The following NALF1 variants were observed in gnomAD, a reference collection of about 807,000 sequenced individuals.
The protein encoded by NALF1 is family with sequence similarity 155 member A.
A neutral mutation model predicts 48.4 loss-of-function variants in NALF1; 3 were observed. The ratio of observed to expected loss-of-function variants is 0.06; its 90% CI spans 0.03 to 0.16. NALF1 has a LOEUF of 0.16. Ranked by LOEUF, NALF1 falls within the 10% of genes least tolerant of loss-of-function variation. The pLI is 1.00. For missense variants in NALF1, 526 were observed against 571.5 expected, an observed-to-expected ratio of 0.92 and a Z score of 0.81; for synonymous variants, 262 against 245.7, an observed-to-expected ratio of 1.07 and a Z score of -0.62.
intron 1 of NALF1, among the ~76,000 whole-genome samples, chr13:107,704,006 G>A (rs1447044198): frequency 6.6e-6 from 1 of 152,044 alleles, no homozygotes. Flanking sequence ...TAGAATGCCA[G>A]GAAACATGTC....
intron 1 of NALF1, among the ~76,000 whole-genome samples, chr13:107,759,729 G>A (rs1377544571): frequency 6.6e-6 from 1 of 151,656 alleles, no homozygotes; most frequent in Non-Finnish European, 1.5e-5. Context: ...CTCTCTGTTT[G>A]GAGCCTCAAT....
intron 1 of NALF1, among the ~76,000 whole-genome samples, chr13:107,492,758 C>T (rs1875184237): frequency 6.6e-6 from 1 of 152,032 alleles, no homozygotes; most frequent in Admixed American, 6.6e-5. Flanking sequence ...AATGGCTGTA[C>T]ATCATGGATA....
intron 1 of NALF1, among the ~76,000 whole-genome samples, chr13:107,311,949 T>A (rs1363475371): frequency 1.3e-5 from 2 of 152,018 alleles, no homozygotes; most frequent in Non-Finnish European, 2.9e-5. Context: ...TGTGGAGAAA[T>A]AGGAACACTT....
chr13:107,513,856 T>C (rs1875972860), intron 1 of NALF1, among the ~76,000 whole-genome samples: 1 of 152,180 alleles, frequency 6.6e-6, no homozygotes, highest in South Asian at 2.1e-4. Context: ...TGCCCGCTAT[T>C]TGCCTAAAAG....
At chr13:107,310,738 C>T (rs771572860) in intron 1 of NALF1, among the ~76,000 whole-genome samples, 4 of 151,968 alleles carry the variant, frequency 2.6e-5, no homozygotes, top group Non-Finnish European at 5.9e-5. Flanking sequence ...AGTACAGTAG[C>T]GTGATCTTGG....
At chr13:107,832,365 T>C (rs1879762680) in intron 1 of NALF1, among the ~76,000 whole-genome samples, 1 of 152,110 alleles carries the variant, frequency 6.6e-6, no homozygotes. Context: ...AAATATTTTG[T>C]ATATATACTG....
chr13:107,544,639 T>C (rs1877087186), intron 1 of NALF1, among the ~76,000 whole-genome samples: 1 of 152,138 alleles, frequency 6.6e-6, no homozygotes, highest in Non-Finnish European at 1.5e-5. Context: ...CCATGACCCT[T>C]CACAGGACCC....
At chr13:107,364,519 C>T (rs143007074) in intron 1 of NALF1, among the ~76,000 whole-genome samples, 72 of 152,294 alleles carry the variant, frequency 4.7e-4, no homozygotes, top group Middle Eastern at 3.4e-3. Flanking sequence ...CATCCAGACA[C>T]GGAGGAGTGG....
rs561943205 is a variant in NALF1, at chr13:107,340,194, A to G, written c.916-129439T>C. 2.7e-4 allele frequency among the ~76,000 whole-genome samples: 39 copies of G among 144,948 alleles called. 1 individual carries two copies. The South Asian group carries it at 8.3e-3, about 31-fold the overall frequency. On this transcript the variant is annotated intron_variant, in intron 1 of 2. Transcript: ENST00000375915. ...TACATTCCTTTTTTTTTTTTTTTAGACAGTGGTGCAATCTCGGCTCACTGC... is the reference window on the plus strand; with the variant it reads ...TACATTCCTTTTTTTTTTTTTTTAGGCAGTGGTGCAATCTCGGCTCACTGC...
intron 1 of NALF1, among the ~76,000 whole-genome samples, chr13:107,615,676 G>A (rs1277736546): frequency 6.6e-6 from 1 of 152,136 alleles, no homozygotes; most frequent in Non-Finnish European, 1.5e-5. Context: ...GATATAAAAA[G>A]GGTGGGGTGC....
intron 1 of NALF1, among the ~76,000 whole-genome samples, chr13:107,626,872 T>C (rs1397150724): frequency 6.6e-6 from 1 of 152,070 alleles, no homozygotes; most frequent in South Asian, 2.1e-4. Context: ...AAACTATATA[T>C]GCATACTCTA....
intron 1 of NALF1, among the ~76,000 whole-genome samples, chr13:107,517,729 T>C (rs1594105871): frequency 6.6e-6 from 1 of 151,862 alleles, no homozygotes; most frequent in African/African-American, 2.4e-5. Flanking sequence ...CTGAGGCAGG[T>C]GGATTATCTG....
intron 1 of NALF1, among the ~76,000 whole-genome samples, chr13:107,297,003 T>A (rs766123207): frequency 6.6e-6 from 1 of 150,620 alleles, no homozygotes. Flanking sequence ...CAGACCTACA[T>A]AGATTAGAGT....
chr13:107,262,769 G>GCGCTCTCTCTCTCTCTCTCTCTCTCT (rs36027059), intron 1 of NALF1, among the ~76,000 whole-genome samples: 2 of 144,034 alleles, frequency 1.4e-5, no homozygotes, highest in African/African-American at 5.3e-5. Context: ...ACCCACAGGC[G>GCGCTCTCTCTCTCTCTCTCTCTCTCT]CTCTCTCTCT....
chr13:107,194,867 G>T (rs1455909165), intron 2 of NALF1, among the ~76,000 whole-genome samples: 1 of 151,916 alleles, frequency 6.6e-6, no homozygotes. Context: ...AAATACATCA[G>T]CAAGAAAAAA....
At chr13:107,225,175 A>G (rs972331741) in intron 1 of NALF1, among the ~76,000 whole-genome samples, 1 of 151,812 alleles carries the variant, frequency 6.6e-6, no homozygotes, top group African/African-American at 2.4e-5. Flanking sequence ...CACCTGGCTA[A>G]TTTTTGTATT....
chr13:107,554,049 A>C (rs868861810), intron 1 of NALF1, among the ~76,000 whole-genome samples: 1 of 152,224 alleles, frequency 6.6e-6, no homozygotes, highest in African/African-American at 2.4e-5. Context: ...TTAGTCCCAC[A>C]TCTGCAAATG....
intron 1 of NALF1, among the ~76,000 whole-genome samples, chr13:107,385,310 T>C (rs1883508632): frequency 6.6e-6 from 1 of 152,100 alleles, no homozygotes; most frequent in South Asian, 2.1e-4. Flanking sequence ...CCCAGCACTT[T>C]GGGAGGCCGA....
intron 1 of NALF1, among the ~76,000 whole-genome samples, chr13:107,571,718 G>A (rs1286156687): frequency 2.0e-5 from 3 of 152,162 alleles, no homozygotes; most frequent in Non-Finnish European, 2.9e-5. Context: ...TTATAGAAAT[G>A]AGCCAATAAT....
Sources: gnomAD v4.1 joint callset for allele counts (sites outside exome capture counted in the v4.1 genomes callset) on GRCh38, gnomAD v4.1.1 for gene constraint, MANE v1.5 for transcripts, NCBI Gene and HGNC (gene_info 2026-07-23, HGNC 2026-07-21) for gene names.